The following CENPE variants were observed in gnomAD, a reference collection of about 807,000 sequenced individuals.
CENPE encodes centromere-associated protein E.
A neutral mutation model predicts 336.1 loss-of-function variants in CENPE; 145 were observed. That is an observed-to-expected ratio of 0.43 (90% confidence interval 0.38 to 0.50). The LOEUF (loss-of-function observed/expected upper bound fraction) is 0.50, where lower values mean the gene tolerates loss of function less well. Among genes scored for constraint, CENPE ranks in the 20% least tolerant of loss-of-function variants. The probability of loss-of-function intolerance (pLI) is 0.00; values close to 1 mark genes in which losing one functional copy is unlikely to be tolerated. For missense variants in CENPE, 2,719 were observed against 3,023.3 expected, an observed-to-expected ratio of 0.90 and a Z score of 2.36; for synonymous variants, 1,013 against 984.8, an observed-to-expected ratio of 1.03 and a Z score of -0.54.
At chr4:103,142,933 C>T (rs368384961) in intron 34 of CENPE, among the ~76,000 whole-genome samples, 2 of 142,374 alleles carry the variant, frequency 1.4e-5, no homozygotes, top group South Asian at 2.2e-4. Flanking sequence ...CGCTTGAACC[C>T]GGGAGGCAGA....
chr4:103,123,114 T>G (rs1750784113), intron 42 of CENPE, 25 bp from the exon 43 acceptor site: 1 of 1,563,658 alleles, frequency 6.4e-7, no homozygotes, highest in Non-Finnish European at 8.8e-7. Flanking sequence ...AATACCATTA[T>G]AGCTCTAAAA....
intron 43 of CENPE, among the ~76,000 whole-genome samples, chr4:103,122,013 T>C (rs758653191): frequency 5.9e-5 from 9 of 152,244 alleles, no homozygotes; most frequent in African/African-American, 2.2e-4. Context: ...GATAGTAGCA[T>C]GTATTTTATT....
chr4:103,191,685 A>G (rs111437205), intron 8 of CENPE, among the ~76,000 whole-genome samples: 2,087 of 151,982 alleles, frequency 0.014, 40 homozygotes, highest in African/African-American at 0.048. Context: ...TAGGAGATAT[A>G]CCTAATGTAA....
At chr4:103,189,282 C>G (rs1295281173) in intron 8 of CENPE, among the ~76,000 whole-genome samples, 3 of 152,228 alleles carry the variant, frequency 2.0e-5, no homozygotes, top group Admixed American at 1.3e-4. Context: ...TCCTCCCTAA[C>G]TCATTTTATG....
At position 103,177,006 on chromosome 4, in the gene CENPE, A is replaced by C. The variant is rs527884786; in HGVS notation, c.1283T>G (p.Ile428Ser). The change falls in exon 14 of 49, where the codon ATT becomes AGT. Residue 428 changes from isoleucine to serine, a missense_variant. By Grantham distance (142) the Ile-to-Ser change is moderately radical. Around this residue, in one of 5 missense-constraint regions of CENPE, gnomAD observed 2,437 missense variants for 2,513.3 expected, o/e 0.97. Coordinates refer to ENST00000265148, the MANE Select transcript of CENPE (RefSeq NM_001813.3). Reference protein sequence around the residue: ...KRRVTWCLGKINKMKNSNYAD... With the variant: ...KRRVTWCLGKSNKMKNSNYAD... ...ATAGTTTGAGTTCTTCATTTTGTTA[A>C]TTTTGCCAAGGCACCAAGTAACTCT... 6.2e-7 allele frequency: 1 copy of C among 1,608,190 alleles called. No homozygotes were observed. Among genetic ancestry groups the C allele is most frequent in the Admixed American group, 1.7e-5 (1 of 58,760 alleles).
rs372833216 is a variant in CENPE at position 103,176,099 on chromosome 4, C to A, written c.1391-51G>T. On this transcript the variant is annotated intron_variant, in intron 14 of 48. Coordinates refer to ENST00000265148, the MANE Select transcript of CENPE (RefSeq NM_001813.3). ...GTCCATGAACATGTTTACCAAATTT[C>A]CTAAGTCAAATTAAAGATTACTAAA... The A allele has an allele frequency of 3.6e-6, 4 of 1,113,874 alleles. No homozygotes were observed. In the African/African-American group the frequency reaches 6.4e-5, roughly 18 times the overall value. 69.0% of individuals were successfully genotyped at this position (1,113,874 alleles called of 1,614,324 possible).
chr4:103,132,760 T>C lies in CENPE; in HGVS notation c.6857A>G (p.Lys2286Arg), dbSNP rs757637588. 73 of 1,579,638 alleles carry C rather than the reference T, an allele frequency of 4.6e-5. No homozygotes were observed. The highest frequency in any genetic ancestry group is 5.6e-5 in the Non-Finnish European group (65 of 1,154,970). The change falls in exon 42 of 49, where the codon AAA becomes AGA. Residue 2286 changes from lysine (K) to arginine (R), a missense_variant. Physicochemically the swap from Lys to Arg is conservative, Grantham distance 26. This residue lies in a region of CENPE where 2,437 missense variants were observed against 2,513.3 expected (regional missense o/e 0.97). Coordinates refer to ENST00000265148, the MANE Select transcript of CENPE (RefSeq NM_001813.3). ...ATCATTTTCTTTCTGGATGCCATTT[T>C]TAAGCTTTTCTATATCAAAACGAGT... The part of the protein sequence containing the change: ...LNTRFDIEKL[K>R]NGIQKENDRI...
Position 103,159,216 on chromosome 4 carries a change from C to G in CENPE, c.2395G>C (p.Gly799Arg). 1 of 1,612,420 alleles carries G rather than the reference C, an allele frequency of 6.2e-7. No individual in the cohort carries two copies. Among genetic ancestry groups the G allele is most frequent in the Non-Finnish European group, 8.5e-7 (1 of 1,179,004 alleles). The change falls in exon 22 of 49, where the codon GGG (glycine) becomes CGG (arginine). Residue 799 changes from glycine to arginine, a missense_variant. This residue lies in a region of CENPE where 2,437 missense variants were observed against 2,513.3 expected (regional missense o/e 0.97). Coordinates refer to ENST00000265148, the MANE Select transcript of CENPE (RefSeq NM_001813.3). ...GTTGCTAGGTCATCTTTTGTTTTCC[C>G]AATTTCTTCAAGTAAACCTTGAACT... ...SRVQGLLEEI[G>R]KTKDDLATTQ...
chr4:103,112,551 T>C (rs572476189), intron 46 of CENPE, among the ~76,000 whole-genome samples: 54 of 142,114 alleles, frequency 3.8e-4, no homozygotes, highest in African/African-American at 1.3e-3. Context: ...TATAAGTATA[T>C]ATGTGTATGT....
intron 34 of CENPE, among the ~76,000 whole-genome samples, chr4:103,142,994 ACT>A (rs1752696304): frequency 8.3e-6 from 1 of 119,840 alleles, no homozygotes; most frequent in South Asian, 2.8e-4. Flanking sequence ...ACAGAGCGAG[ACT>A]CTGTCTCAAA....
At chr4:103,158,208 A>T (rs1007368164) in intron 24 of CENPE, 92 bp downstream of exon 24, 1 of 940,156 alleles carries the variant, frequency 1.1e-6, no homozygotes, top group Non-Finnish European at 1.5e-6. Context: ...TGTGAGTAAC[A>T]AATGAAATTG....
At chr4:103,123,980 A>G (rs1338195696) in intron 42 of CENPE, among the ~76,000 whole-genome samples, 2 of 152,208 alleles carry the variant, frequency 1.3e-5, no homozygotes, top group Admixed American at 6.5e-5. Flanking sequence ...AAAATAAGAT[A>G]TTTTGAGAGA....
chr4:103,138,681 G>C (rs1752283855), intron 38 of CENPE, among the ~76,000 whole-genome samples: 1 of 151,970 alleles, frequency 6.6e-6, no homozygotes, highest in African/African-American at 2.4e-5. Flanking sequence ...CTAATTTTTG[G>C]AGACAGGATT....
chr4:103,137,259 A>G (rs1208990213), intron 39 of CENPE, among the ~76,000 whole-genome samples: 4 of 152,136 alleles, frequency 2.6e-5, no homozygotes, highest in African/African-American at 9.7e-5. Context: ...AGCACCCAGT[A>G]TGGTACCTGG....
At chr4:103,161,491 T>TA (rs761861948) in intron 18 of CENPE, 34 bp from the exon 19 acceptor site, 1 of 1,524,858 alleles carries the variant, frequency 6.6e-7, no homozygotes, top group South Asian at 1.4e-5. Flanking sequence ...CACTGAAATC[T>TA]AATTTTCACA....
chr4:103,188,555 C>T (rs541540349), intron 8 of CENPE, among the ~76,000 whole-genome samples: 5 of 152,166 alleles, frequency 3.3e-5, no homozygotes, highest in East Asian at 1.9e-4. Context: ...GGGTACATAA[C>T]AAAATGAAGG....
chr4:103,113,537 A>ATT (rs1236937414), intron 46 of CENPE, among the ~76,000 whole-genome samples: 1 of 140,490 alleles, frequency 7.1e-6, no homozygotes, highest in African/African-American at 2.6e-5. Flanking sequence ...TATAATATAT[A>ATT]ACTTATATAT....
intron 18 of CENPE, 69 bp from the exon 19 acceptor site, chr4:103,161,526 A>C (rs1578636040): frequency 7.4e-7 from 1 of 1,358,152 alleles, no homozygotes; most frequent in Non-Finnish European, 9.8e-7. Flanking sequence ...TTAAGAGAAC[A>C]TGTATATAAA....
chr4:103,148,938 G>C lies in CENPE; in HGVS notation c.3749C>G (p.Thr1250Ser), dbSNP rs114698062. ...AHIHLKEHQE[T>S]IDELRRSVSE... is the part of the protein sequence containing the mutation. ...TACGCTTCTTCTTAGTTCATCAATA[G>C]TTTCTTGGTGTTCTTTTAGGTGAAT... Residue 1250 changes from threonine to serine, a missense_variant, in exon 28 of 49, where the codon ACT (threonine) becomes AGT (serine). Thr to Ser is a moderately conservative substitution (Grantham distance 58, BLOSUM62 1). Transcript: ENST00000265148. 640 of 1,613,502 alleles carry C rather than the reference G, an allele frequency of 4.0e-4. No individual in the cohort carries two copies. In the African/African-American group the frequency reaches 7.8e-3, roughly 20 times the overall value.
Sources: gnomAD v4.1 joint callset for allele counts (sites outside exome capture counted in the v4.1 genomes callset) on GRCh38, gnomAD v4.1.1 for gene constraint, gnomAD v4.1.1 regional missense constraint, MANE v1.5 for transcripts, NCBI Gene and HGNC (gene_info 2026-07-23, HGNC 2026-07-21) for gene names.